CAMKMT: variants seen among roughly 807,000 people sequenced by gnomAD.
The protein encoded by CAMKMT is calmodulin-lysine N-methyltransferase.
A neutral mutation model predicts 48.0 loss-of-function variants in CAMKMT; 53 were observed. The observed-to-expected ratio is 1.10, with a 90% CI of 0.89 to 1.39. The LOEUF (loss-of-function observed/expected upper bound fraction) is 1.39, where lower values mean the gene tolerates loss of function less well. Among genes scored for constraint, CAMKMT ranks in the 40% most tolerant of loss-of-function variants. CAMKMT has a pLI of 0.00. For synonymous variants in CAMKMT, 165 were observed against 152.3 expected, an observed-to-expected ratio of 1.08 and a Z score of -0.61; for missense variants, 428 against 402.7, an observed-to-expected ratio of 1.06 and a Z score of -0.54.
intron 2 of CAMKMT, among the ~76,000 whole-genome samples, chr2:44,383,801 C>T (rs1346487663): frequency 6.6e-6 from 1 of 152,124 alleles, no homozygotes; most frequent in East Asian, 1.9e-4. Context: ...ACTGCAAATG[C>T]CCTTAATTCA....
At chr2:44,727,054 G>A (rs1305748827) in intron 7 of CAMKMT, among the ~76,000 whole-genome samples, 1 of 152,148 alleles carries the variant, frequency 6.6e-6, no homozygotes, top group East Asian at 1.9e-4. Flanking sequence ...GTAGTGTGGT[G>A]CCTCTGGCTT....
chr2:44,669,794 C>T (rs1319142411), intron 3 of CAMKMT, among the ~76,000 whole-genome samples: 3 of 151,996 alleles, frequency 2.0e-5, no homozygotes, highest in Admixed American at 6.6e-5. Flanking sequence ...TGTGCCACCA[C>T]ATCTGGCTAA....
At chr2:44,457,793 A>G (rs1222991273) in intron 3 of CAMKMT, among the ~76,000 whole-genome samples, 1 of 152,168 alleles carries the variant, frequency 6.6e-6, no homozygotes, top group Admixed American at 6.5e-5. Context: ...GAAACCCTCA[A>G]TATTTGTTTT....
chr2:44,395,943 A>G (rs1681797272), intron 3 of CAMKMT, among the ~76,000 whole-genome samples: 2 of 152,142 alleles, frequency 1.3e-5, no homozygotes, highest in Admixed American at 6.5e-5. Flanking sequence ...ATAAATCAAT[A>G]TTTTTAGAAT....
intron 3 of CAMKMT, among the ~76,000 whole-genome samples, chr2:44,526,313 A>G (rs1039384719): frequency 2.0e-5 from 3 of 152,218 alleles, no homozygotes; most frequent in Non-Finnish European, 2.9e-5. Context: ...CTATTTTTAT[A>G]CATGTAGATA....
At chr2:44,536,491 A>T (rs924245628) in intron 3 of CAMKMT, among the ~76,000 whole-genome samples, 3 of 151,042 alleles carry the variant, frequency 2.0e-5, no homozygotes, top group African/African-American at 7.3e-5. Context: ...TGCCCAGCTA[A>T]TTTTTTTTGT....
rs559178877 is a variant in CAMKMT at position 44,680,758 on chromosome 2, C to T, written c.377-23525C>T. ...ATAATGGTTCTGATTGCTGTTGACTCATGTCTCCACCAACTGCCTCATGTA... is the reference window on the plus strand; with the variant it reads ...ATAATGGTTCTGATTGCTGTTGACTTATGTCTCCACCAACTGCCTCATGTA... On this transcript the variant is annotated intron_variant, in intron 3 of 10. Coordinates refer to ENST00000378494, the MANE Select transcript of CAMKMT (RefSeq NM_024766.5). 3.7e-4 allele frequency among the ~76,000 whole-genome samples: 56 copies of T among 152,228 alleles called. 1 individual carries two copies. The highest frequency in any genetic ancestry group is 4.0e-4 in the Non-Finnish European group (27 of 68,018).
At chr2:44,378,471 AGTTT>A (rs71393268) in intron 2 of CAMKMT, among the ~76,000 whole-genome samples, 32,013 of 150,746 alleles carry the variant, frequency 0.21, 5,289 homozygotes, top group African/African-American at 0.46. Flanking sequence ...TCTAGAATTA[AGTTT>A]GTTTGTTTGT....
chr2:44,401,274 A>G (rs1682351493), intron 3 of CAMKMT: 1 of 152,120 alleles, frequency 6.6e-6, no homozygotes, highest in African/African-American at 2.4e-5. Flanking sequence ...AAATAATACA[A>G]AGACGGGGCA....
At chr2:44,413,408 C>G (rs964697988) in intron 3 of CAMKMT, among the ~76,000 whole-genome samples, 1 of 152,006 alleles carries the variant, frequency 6.6e-6, no homozygotes, top group Non-Finnish European at 1.5e-5. Context: ...AATCCCAGCA[C>G]TTTGGGAGGC....
At chr2:44,527,115 C>T (rs1666161011) in intron 3 of CAMKMT, among the ~76,000 whole-genome samples, 1 of 138,468 alleles carries the variant, frequency 7.2e-6, no homozygotes, top group Non-Finnish European at 1.5e-5. Context: ...CTTTCTAAGA[C>T]AGGGTCTTGC....
intron 3 of CAMKMT, among the ~76,000 whole-genome samples, chr2:44,635,514 C>T (rs2103983215): frequency 6.6e-6 from 1 of 152,250 alleles, no homozygotes; most frequent in Non-Finnish European, 1.5e-5. Context: ...TATTCTCTTC[C>T]TGCATTCCAT....
At chr2:44,722,637 G>T (rs1350886003) in intron 7 of CAMKMT, among the ~76,000 whole-genome samples, 2 of 151,906 alleles carry the variant, frequency 1.3e-5, no homozygotes, top group Non-Finnish European at 2.9e-5. Flanking sequence ...AAAATGCACT[G>T]CACTTGAAAG....
intron 1 of CAMKMT, among the ~76,000 whole-genome samples, chr2:44,368,312 C>T (rs1032121791): frequency 2.6e-5 from 4 of 152,116 alleles, no homozygotes; most frequent in Admixed American, 1.3e-4. Context: ...GAGATTTGAG[C>T]ATCCCTTCAG....
At chr2:44,520,155 C>T (rs1246316635) in intron 3 of CAMKMT, among the ~76,000 whole-genome samples, 1 of 152,100 alleles carries the variant, frequency 6.6e-6, no homozygotes, top group Middle Eastern at 3.4e-3. Flanking sequence ...GGAGGCGGAG[C>T]TTGCAGTGAG....
intron 3 of CAMKMT, among the ~76,000 whole-genome samples, chr2:44,454,093 A>G (rs1667436545): frequency 6.6e-6 from 1 of 152,106 alleles, no homozygotes; most frequent in Non-Finnish European, 1.5e-5. Context: ...ACAACTCTTA[A>G]AAAATAAGTT....
chr2:44,575,998 G>A (rs1190402066), intron 3 of CAMKMT, among the ~76,000 whole-genome samples: 3 of 151,966 alleles, frequency 2.0e-5, no homozygotes, highest in African/African-American at 7.2e-5. Context: ...TGGTGAAACT[G>A]GTCTCAGAGA....
At chr2:44,592,313 CT>C (rs35206851) in intron 3 of CAMKMT, among the ~76,000 whole-genome samples, 93,630 of 151,400 alleles carry the variant, frequency 0.62, 29,433 homozygotes, top group Admixed American at 0.69. Flanking sequence ...TAGTTGGTGT[CT>C]TTCAAAGAAC....
At chr2:44,666,593 T>C (rs1330643339) in intron 3 of CAMKMT, among the ~76,000 whole-genome samples, 1 of 149,454 alleles carries the variant, frequency 6.7e-6, no homozygotes, top group Non-Finnish European at 1.5e-5. Context: ...TATTTTGATC[T>C]CCTTTTGGCT....
Sources: gnomAD v4.1 joint callset for allele counts (sites outside exome capture counted in the v4.1 genomes callset) on GRCh38, gnomAD v4.1.1 for gene constraint, MANE v1.5 for transcripts, NCBI Gene and HGNC (gene_info 2026-07-23, HGNC 2026-07-21) for gene names.